Variants in PAPPA2 observed in about 807,000 individuals in gnomAD.
PAPPA2 encodes pappalysin 2.
In PAPPA2, 86 loss-of-function variants were observed where a neutral mutation model predicts 176.4. The observed-to-expected ratio is 0.49, with a 90% CI of 0.41 to 0.58. PAPPA2 has a LOEUF of 0.58. Ranked by LOEUF, PAPPA2 falls within the 20% of genes least tolerant of loss-of-function variation. The pLI is 0.00. For missense variants in PAPPA2, 2,073 were observed against 2,256.9 expected (o/e 0.92, Z 1.65); for synonymous variants, 809 against 852.2 (o/e 0.95, Z 0.88).
chr1:176,821,541 G>A (rs553438423), intron 21 of PAPPA2, among the ~76,000 whole-genome samples: 95 of 152,318 alleles, frequency 6.2e-4, no homozygotes, highest in Non-Finnish European at 9.8e-4. Flanking sequence ...GACTCTCTTA[G>A]TTTGTGGTCT....
intron 3 of PAPPA2, among the ~76,000 whole-genome samples, chr1:176,651,585 C>T (rs1048068008): frequency 2.0e-5 from 3 of 151,558 alleles, no homozygotes; most frequent in Admixed American, 6.6e-5. Flanking sequence ...TTATATGACT[C>T]GGAGTAGACT....
At chr1:176,507,866 G>A (rs1410270454) in intron 1 of PAPPA2, among the ~76,000 whole-genome samples, 3 of 152,036 alleles carry the variant, frequency 2.0e-5, no homozygotes, top group Non-Finnish European at 2.9e-5. Context: ...ATATACCCAT[G>A]TAACAAACCT....
At chr1:176,586,420 C>G (rs1252794670) in intron 2 of PAPPA2, among the ~76,000 whole-genome samples, 1 of 151,804 alleles carries the variant, frequency 6.6e-6, no homozygotes, top group Non-Finnish European at 1.5e-5. Context: ...ACCTATTGAC[C>G]CATCCTCTAA....
intron 1 of PAPPA2, among the ~76,000 whole-genome samples, chr1:176,504,910 C>T (rs1228929594): frequency 1.3e-5 from 2 of 152,080 alleles, no homozygotes; most frequent in Non-Finnish European, 2.9e-5. Context: ...CTATAATCTA[C>T]CCATAATGGG....
At chr1:176,724,424 A>C (rs1223200760) in intron 12 of PAPPA2, among the ~76,000 whole-genome samples, 1 of 152,212 alleles carries the variant, frequency 6.6e-6, no homozygotes, top group East Asian at 1.9e-4. Flanking sequence ...ATACTCAATA[A>C]GTACTTGTTT....
chr1:176,595,489 C>T lies in PAPPA2; in HGVS notation c.1885C>T (p.His629Tyr). Reference protein sequence around the residue: ...YSWNRRDGLCHVECNNMLNDF... With the variant: ...YSWNRRDGLCYVECNNMLNDF... ...CTGGAACCGCAGGGATGGGCTCTGT[C>T]ACGTGGAGTGTAACAACATGCTGAA... Residue 629 changes from histidine (H) to tyrosine (Y), a missense_variant, in exon 3 of 23, where the codon CAC becomes TAC. By Grantham distance (83) the His-to-Tyr change is moderately conservative. Coordinates refer to ENST00000367662, the MANE Select transcript of PAPPA2 (RefSeq NM_020318.3). The T allele has an allele frequency of 6.2e-7, 1 of 1,614,194 alleles. No homozygotes were observed. Among genetic ancestry groups the T allele is most frequent in the Non-Finnish European group, 8.5e-7 (1 of 1,180,040 alleles).
chr1:176,754,457 T>C (rs1558562924), intron 14 of PAPPA2, among the ~76,000 whole-genome samples: 1 of 152,228 alleles, frequency 6.6e-6, no homozygotes, highest in Non-Finnish European at 1.5e-5. Context: ...TTACCAACTA[T>C]TTATACCAGA....
At chr1:176,500,910 G>A (rs1466027017) in intron 1 of PAPPA2, among the ~76,000 whole-genome samples, 1 of 151,976 alleles carries the variant, frequency 6.6e-6, no homozygotes, top group Non-Finnish European at 1.5e-5. Flanking sequence ...AATAGCCTTA[G>A]CAAATTGGTT....
intron 21 of PAPPA2, among the ~76,000 whole-genome samples, chr1:176,811,888 T>A (rs1171267995): frequency 6.6e-6 from 1 of 152,130 alleles, no homozygotes; most frequent in African/African-American, 2.4e-5. Context: ...CTAAAACCAT[T>A]GCCCCCACAC....
At chr1:176,740,625 C>A (rs1662636956) in intron 14 of PAPPA2, among the ~76,000 whole-genome samples, 1 of 152,112 alleles carries the variant, frequency 6.6e-6, no homozygotes, top group Admixed American at 6.6e-5. Context: ...GTCATATAAT[C>A]ATTTAGAATT....
chr1:176,611,223 A>G (rs916794105), intron 3 of PAPPA2, among the ~76,000 whole-genome samples: 1 of 152,216 alleles, frequency 6.6e-6, no homozygotes, highest in African/African-American at 2.4e-5. Flanking sequence ...AGACCAGTAG[A>G]GAGAGTATAT....
chr1:176,624,521 T>C (rs1234120491), intron 3 of PAPPA2, among the ~76,000 whole-genome samples: 1 of 152,164 alleles, frequency 6.6e-6, no homozygotes, highest in East Asian at 1.9e-4. Context: ...ACTTAAGACC[T>C]TTCTTCATTT....
rs1558478866 is a variant in PAPPA2, at chr1:176,623,576, C to CCT, written c.1991+27981_1991+27982insCT. Among the ~76,000 whole-genome samples, 262 of 84,988 alleles carry CCT rather than the reference C, an allele frequency of 3.1e-3. 8 individuals carry two copies. The highest frequency in any genetic ancestry group is 0.012 in the African/African-American group (183 of 15,780). The allele number at this position is 84,988 out of a possible 152,430, so 55.8% of individuals were successfully genotyped here. ...ATTTTCCCCTTCCTTCCTTCCTTCCCTCCTTCCTTCCTTCCTTCCTTCCTT... is the reference window on the plus strand; with the variant it reads ...ATTTTCCCCTTCCTTCCTTCCTTCCCCTTCCTTCCTTCCTTCCTTCCTTCCTT... On this transcript the variant is annotated intron_variant, in intron 3 of 22. Transcript: ENST00000367662.
chr1:176,656,856 T>C (rs535634693), intron 3 of PAPPA2, among the ~76,000 whole-genome samples: 1 of 151,686 alleles, frequency 6.6e-6, no homozygotes, highest in Admixed American at 6.6e-5. Flanking sequence ...CTCTAGACTT[T>C]CTGTTTTTTT....
At chr1:176,676,014 T>A (rs867636496) in intron 4 of PAPPA2, among the ~76,000 whole-genome samples, 1 of 151,884 alleles carries the variant, frequency 6.6e-6, no homozygotes, top group Non-Finnish European at 1.5e-5. Context: ...GAAGTGCAAA[T>A]GAAACCACAG....
At chr1:176,640,538 C>T (rs868434550) in intron 3 of PAPPA2, among the ~76,000 whole-genome samples, 11 of 151,978 alleles carry the variant, frequency 7.2e-5, no homozygotes, top group Admixed American at 2.6e-4. Flanking sequence ...TTTATGGCTG[C>T]ATAGTATTCC....
chr1:176,719,567 A>G (rs1008798329), intron 12 of PAPPA2, among the ~76,000 whole-genome samples: 8 of 152,082 alleles, frequency 5.3e-5, no homozygotes, highest in Non-Finnish European at 1.0e-4. Flanking sequence ...TTTTTTCTTG[A>G]CATCACTTCT....
intron 3 of PAPPA2, among the ~76,000 whole-genome samples, chr1:176,658,378 A>C (rs1658142568): frequency 6.6e-6 from 1 of 152,056 alleles, no homozygotes; most frequent in Non-Finnish European, 1.5e-5. Flanking sequence ...TTTATATTAT[A>C]CTATTGTGGT....
chr1:176,769,527 C>T, intron 15 of PAPPA2, 80 bp from the exon 16 acceptor site: 1 of 1,429,998 alleles, frequency 7.0e-7, no homozygotes, highest in Non-Finnish European at 9.7e-7. Context: ...AGATAATCAC[C>T]AAGACTCTTC....
Sources: allele counts gnomAD v4.1 joint callset (sites outside exome capture counted in the v4.1 genomes callset), GRCh38; gene constraint gnomAD v4.1.1; transcripts MANE v1.5; gene names NCBI Gene and HGNC (gene_info 2026-07-23, HGNC 2026-07-21).